Variants in KARS1 observed in about 807,000 individuals in gnomAD.
The protein encoded by KARS1 is lysine--tRNA ligase.
In KARS1, 50 loss-of-function variants were observed where a neutral mutation model predicts 63.9. The ratio of observed to expected loss-of-function variants is 0.78; its 90% CI spans 0.62 to 0.99. The LOEUF (loss-of-function observed/expected upper bound fraction) is 0.99, where lower values mean the gene tolerates loss of function less well. Ranked by LOEUF, KARS1 falls within the 50% of genes least tolerant of loss-of-function variation. The pLI is 0.00. For synonymous variants in KARS1, 320 were observed against 264.6 expected (o/e 1.21, Z -2.03); for missense variants, 816 against 754.5 (o/e 1.08, Z -0.95).
rs776756075 is a variant in KARS1 at position 75,631,781 on chromosome 16, C to G, written c.990G>C (p.Thr330=). The G allele has an allele frequency of 4.0e-5, 65 of 1,613,672 alleles. No homozygotes were observed. The highest frequency in any genetic ancestry group is 5.5e-5 in the Non-Finnish European group (65 of 1,179,732). ...CACAGGTGGTGAACTCAGGATTGTG[C>G]GTCAAATCAATCCCCTCATTCCGGA... is the stretch of plus-strand genomic sequence containing the variant. The part of the protein sequence containing the change: ...RQFRNEGIDL[T]HNPEFTTCEF... Residue 330 remains threonine (T), a synonymous_variant, in exon 8 of 14, where the codon ACG becomes ACC. Transcript: ENST00000302445.
At chr16:75,646,625 T>A (rs540503196) in intron 1 of KARS1, among the ~76,000 whole-genome samples, 2 of 151,748 alleles carry the variant, frequency 1.3e-5, no homozygotes, top group African/African-American at 4.8e-5. Flanking sequence ...GGGAAAGCGA[T>A]GGAGAAGGGC....
At position 75,635,691 on chromosome 16, in the gene KARS1, CCAGCT is replaced by C; in HGVS notation, c.779_783del (p.Glu260GlyfsTer6). ...GGAACTCTCCTTACCTCTAGGAATC[CCAGCT>C]CATCTAAGAAACTTCTTATATATGT... On this transcript the variant is annotated frameshift_variant, in exon 6 of 14. Coordinates refer to ENST00000302445, the MANE Select transcript of KARS1 (RefSeq NM_005548.3). LOFTEE classifies it high-confidence loss of function. 1 of 1,614,062 alleles carries C rather than the reference CCAGCT, an allele frequency of 6.2e-7. No homozygotes were observed. Among genetic ancestry groups the C allele is most frequent in the Non-Finnish European group, 8.5e-7 (1 of 1,180,014 alleles).
In KARS1 at chr16:75,647,563, C is replaced by A. The variant is rs1368316056; in HGVS notation, c.62+15G>T. ...TCCTACCGCAAAGGCTTTAAAGACT[C>A]GCAGCGACACTCACTTCTTGCTCAG... On this transcript the variant is annotated intron_variant, in intron 1 of 13. Coordinates refer to ENST00000302445, the MANE Select transcript of KARS1 (RefSeq NM_005548.3). 2 of 1,611,448 alleles carry A rather than the reference C, an allele frequency of 1.2e-6. No homozygotes were observed. Among genetic ancestry groups the A allele is most frequent in the East Asian group, 4.5e-5 (2 of 44,800 alleles).
chr16:75,628,077 G>A (rs1597161219), intron 13 of KARS1, 84 bp from the exon 14 acceptor site: 1 of 843,720 alleles, frequency 1.2e-6, no homozygotes, highest in Non-Finnish European at 2.1e-6. Flanking sequence ...TCTTGCCTCT[G>A]TTGTTACCAC....
rs750512040 is a variant in KARS1 at position 75,647,655 on chromosome 16, G to A, written c.-16C>T. 3 of 1,613,254 alleles carry A rather than the reference G, an allele frequency of 1.9e-6. No homozygotes were observed. The East Asian group carries it at 6.7e-5, about 36-fold the overall frequency. ...CGGCCGCCATCTTCCCGGAGGGCCC[G>A]ACCCAAAAGTAAGGAGGATAGTACG... is the stretch of plus-strand genomic sequence containing the variant. On this transcript the variant is annotated 5_prime_UTR_variant, in exon 1 of 14. Coordinates refer to ENST00000302445, the MANE Select transcript of KARS1 (RefSeq NM_005548.3).
chr16:75,630,601 G>A (rs574871634), intron 10 of KARS1, 93 bp from the exon 11 acceptor site: 4 of 745,110 alleles, frequency 5.4e-6, no homozygotes, highest in South Asian at 4.2e-5. Flanking sequence ...CCATCCAGAT[G>A]GGTTTATCCT....
intron 12 of KARS1, 77 bp downstream of exon 12, chr16:75,629,338 C>A (rs1388809201): frequency 1.3e-6 from 2 of 1,576,412 alleles, no homozygotes. Context: ...AGAACGTATA[C>A]GCTGACACAG....
intron 3 of KARS1, among the ~76,000 whole-genome samples, chr16:75,637,900 CAAAAAAAA>C (rs11386229): frequency 6.4e-5 from 6 of 93,780 alleles, no homozygotes; most frequent in African/African-American, 2.4e-4. Flanking sequence ...AAAAAGAGAC[CAAAAAAAA>C]AAAAAAAAAG....
At position 75,647,625 on chromosome 16, in the gene KARS1, C is replaced by T. The variant is rs2082304995; in HGVS notation, c.15G>A (p.Gln5=). MAAV[Q]AAEVKVDGSE... is the part of the protein sequence containing the mutation. ...TGCCATCCACTTTCACCTCGGCCGC[C>T]TGCACGGCCGCCATCTTCCCGGAGG... is the stretch of plus-strand genomic sequence containing the variant. Residue 5 remains glutamine (Q), a synonymous_variant, in exon 1 of 14, where the codon CAG becomes CAA. Coordinates refer to ENST00000302445, the MANE Select transcript of KARS1 (RefSeq NM_005548.3). 2.5e-6 allele frequency: 4 copies of T among 1,613,664 alleles called. No individual in the cohort carries two copies. Among genetic ancestry groups the T allele is most frequent in the Middle Eastern group, 1.6e-4 (1 of 6,082 alleles).
chr16:75,635,170 T>C (rs1279000080), intron 6 of KARS1, among the ~76,000 whole-genome samples: 1 of 152,118 alleles, frequency 6.6e-6, no homozygotes, highest in African/African-American at 2.4e-5. Flanking sequence ...AAACCAAAAA[T>C]AAAACTCCTC....
intron 13 of KARS1, 139 bp downstream of exon 13, chr16:75,628,430 G>A (rs1317923761): frequency 1.0e-5 from 10 of 963,500 alleles, no homozygotes; most frequent in Admixed American, 2.0e-5. Flanking sequence ...CCTCCTGTGA[G>A]TGGCATGGAA....
chr16:75,628,961 T>C, intron 12 of KARS1: 1 of 544,750 alleles, frequency 1.8e-6, no homozygotes, highest in Non-Finnish European at 3.3e-6. Flanking sequence ...ACCCTTCTGC[T>C]GCTTGGGGCT....
chr16:75,640,119 G>A (rs2082206679), intron 3 of KARS1, 65 bp downstream of exon 3: 1 of 1,388,286 alleles, frequency 7.2e-7, no homozygotes, highest in Non-Finnish European at 1.0e-6. Context: ...ACCTTCCCTT[G>A]TGCTACTGAA....
Position 75,629,346 on chromosome 16 carries a change from C to A in KARS1, c.1551+69G>T, listed in dbSNP as rs568253158. ...GTCACCAAGAACGTATACGCTGACA[C>A]AGATCAGGGTTAAGGCTGGTATTTC... is the stretch of plus-strand genomic sequence containing the variant. On this transcript the variant is annotated intron_variant, in intron 12 of 13. Coordinates refer to ENST00000302445, the MANE Select transcript of KARS1 (RefSeq NM_005548.3). 22 of 1,595,480 alleles carry A rather than the reference C, an allele frequency of 1.4e-5. 1 individual carries two copies. In the East Asian group the frequency reaches 4.3e-4, roughly 31 times the overall value.
At chr16:75,639,363 G>C (rs2082197602) in intron 3 of KARS1, among the ~76,000 whole-genome samples, 1 of 151,672 alleles carries the variant, frequency 6.6e-6, no homozygotes, top group African/African-American at 2.4e-5. Context: ...CCTGAGGTCA[G>C]GAGTTCGAGA....
rs1449694840 is a variant in KARS1 at position 75,634,120 on chromosome 16, G to GTA, written c.915+51_915+52dup. On this transcript the variant is annotated intron_variant, in intron 7 of 13. Transcript: ENST00000302445. ...TCTGACTATACCCATCTAGCCAGTG[G>GTA]TATTCCAGCTTTCTGCTTCTTTAAG... 7 of 1,590,276 alleles carry GTA rather than the reference G, an allele frequency of 4.4e-6. No individual in the cohort carries two copies. In the Admixed American group the frequency reaches 8.3e-5, roughly 19 times the overall value.
intron 10 of KARS1, among the ~76,000 whole-genome samples, chr16:75,630,788 C>T (rs925383777): frequency 1.3e-4 from 20 of 152,050 alleles, no homozygotes; most frequent in Admixed American, 8.5e-4. Flanking sequence ...GTGCCCGCCA[C>T]CATACCCAGC....
At position 75,630,427 on chromosome 16, in the gene KARS1, T is replaced by A. The variant is rs758199406; in HGVS notation, c.1420A>T (p.Lys474Ter). 1 of 1,591,202 alleles carries A rather than the reference T, an allele frequency of 6.3e-7. No homozygotes were observed. Among genetic ancestry groups the A allele is most frequent in the East Asian group, 2.2e-5 (1 of 44,754 alleles). The change falls in exon 11 of 14, where the codon AAA (lysine) becomes TAA (stop). Residue 474 changes from lysine (K) to a stop codon, truncating the protein, a stop_gained. Coordinates refer to ENST00000302445, the MANE Select transcript of KARS1 (RefSeq NM_005548.3). LOFTEE classifies it high-confidence loss of function. ...AATAGGTAACTGGAATCTTACCATT[T>A]AGCCAAAGGGCTCATTATCTGTGGG... ...DHPQIMSPLA[K>*]WHRSKEGLTE...
chr16:75,642,294 C>T lies in KARS1; in HGVS notation c.63-571G>A, dbSNP rs184064168. ...TCAGCTTACTGCAATCTCTGCCTCC[C>T]GGGTTTCAAGAGATTCTCGTGCCTC... On this transcript the variant is annotated intron_variant, in intron 1 of 13. Transcript: ENST00000302445. Among the ~76,000 whole-genome samples the T allele has an allele frequency of 4.2e-4, 61 of 146,490 alleles. No homozygotes were observed. In the East Asian group the frequency reaches 8.5e-3, roughly 21 times the overall value.
Sources: allele counts gnomAD v4.1 joint callset (sites outside exome capture counted in the v4.1 genomes callset), GRCh38; gene constraint gnomAD v4.1.1; transcripts MANE v1.5; gene names NCBI Gene and HGNC (gene_info 2026-07-23, HGNC 2026-07-21).